Variants in ABTB2 observed in about 807,000 individuals in gnomAD.
ABTB2 encodes the protein ankyrin repeat and BTB domain containing 2.
A neutral mutation model predicts 104.1 loss-of-function variants in ABTB2; 56 were observed. That is an observed-to-expected ratio of 0.54 (90% CI 0.43 to 0.67). The LOEUF (loss-of-function observed/expected upper bound fraction) is 0.67. ABTB2 is among the 30% of genes least tolerant of loss of function. The pLI, the probability that ABTB2 is intolerant of heterozygous loss-of-function variation, is 0.00. For missense variants in ABTB2, 1,279 were observed against 1,407.7 expected, an observed-to-expected ratio of 0.91 and a Z score of 1.46; for synonymous variants, 606 against 608.2, an observed-to-expected ratio of 1.00 and a Z score of 0.05.
chr11:34,154,867 G>A lies in ABTB2; in HGVS notation c.2698-98C>T. 2 of 1,195,714 alleles carry A rather than the reference G, an allele frequency of 1.7e-6. No individual in the cohort carries two copies. Among genetic ancestry groups the A allele is most frequent in the Non-Finnish European group, 2.4e-6 (2 of 819,900 alleles). 74.1% of individuals were successfully genotyped at this position (1,195,714 alleles called of 1,614,324 possible). On this transcript the variant is annotated intron_variant, in intron 14 of 16. Transcript: ENST00000435224. This position sits in a 1 kb window ranked among gnomAD's most constrained non-coding sequence, Gnocchi z 4.9. ...TACTGCTCCAGCTGCCGCCTCCAGGGGCCTGTCCCTCTGCAGGTCCCCAGC... is the reference window on the plus strand; with the variant it reads ...TACTGCTCCAGCTGCCGCCTCCAGGAGCCTGTCCCTCTGCAGGTCCCCAGC...
intron 3 of ABTB2, among the ~76,000 whole-genome samples, chr11:34,196,200 AT>A (rs766800815): frequency 5.6e-4 from 86 of 152,354 alleles, no homozygotes; most frequent in African/African-American, 1.9e-3. Context: ...TATAAAAAAA[AT>A]ATTATATTTT....
chr11:34,218,453 G>A (rs1039624327), intron 1 of ABTB2, among the ~76,000 whole-genome samples: 12 of 152,044 alleles, frequency 7.9e-5, no homozygotes, highest in Non-Finnish European at 1.5e-5. Flanking sequence ...TTAGGTCTCT[G>A]ATCCATTTGA....
At chr11:34,329,760 G>A (rs1272742706) in intron 1 of ABTB2, among the ~76,000 whole-genome samples, 1 of 152,152 alleles carries the variant, frequency 6.6e-6, no homozygotes, top group Non-Finnish European at 1.5e-5. Context: ...GGTCCCAAAG[G>A]TACCAGTGAA....
At chr11:34,278,175 A>G (rs1350373247) in intron 1 of ABTB2, among the ~76,000 whole-genome samples, 2 of 152,026 alleles carry the variant, frequency 1.3e-5, no homozygotes, top group African/African-American at 4.8e-5. Flanking sequence ...AGCAGGATAT[A>G]ATACAAAAAA....
chr11:34,168,459 C>G (rs952466950), intron 5 of ABTB2, among the ~76,000 whole-genome samples: 1 of 152,210 alleles, frequency 6.6e-6, no homozygotes, highest in East Asian at 1.9e-4. Context: ...ACAACACTCT[C>G]ATGGCTACTA....
chr11:34,172,642 G>A (rs1325256952), intron 4 of ABTB2, among the ~76,000 whole-genome samples: 1 of 152,036 alleles, frequency 6.6e-6, no homozygotes, highest in Non-Finnish European at 1.5e-5. Context: ...TAAAGTGCTA[G>A]CTGAGTATCT....
chr11:34,349,460 G>C (rs1855373273), intron 1 of ABTB2, among the ~76,000 whole-genome samples: 1 of 152,190 alleles, frequency 6.6e-6, no homozygotes, highest in African/African-American at 2.4e-5. Flanking sequence ...GGAAAGCCTT[G>C]CGAGTAATAC....
intron 8 of ABTB2, 65 bp downstream of exon 8, chr11:34,165,195 G>T: frequency 7.0e-7 from 1 of 1,427,098 alleles, no homozygotes; most frequent in Non-Finnish European, 9.5e-7. Flanking sequence ...CCAGCTACAT[G>T]CCTGGCCAGG....
At chr11:34,309,788 A>G (rs1336875178) in intron 1 of ABTB2, among the ~76,000 whole-genome samples, 1 of 151,794 alleles carries the variant, frequency 6.6e-6, no homozygotes, top group Non-Finnish European at 1.5e-5. Flanking sequence ...AGGTGATCAG[A>G]GTCAAAAAAA....
At chr11:34,315,475 G>C (rs1012738836) in intron 1 of ABTB2, among the ~76,000 whole-genome samples, 1 of 152,156 alleles carries the variant, frequency 6.6e-6, no homozygotes, top group African/African-American at 2.4e-5. Context: ...GTATTGGGCA[G>C]CTAAAAAGCT....
At chr11:34,341,932 T>G (rs972508334) in intron 1 of ABTB2, among the ~76,000 whole-genome samples, 3 of 152,230 alleles carry the variant, frequency 2.0e-5, no homozygotes, top group African/African-American at 7.2e-5. Context: ...ATTAAACGTG[T>G]AAAGGGTCCC....
intron 8 of ABTB2, 62 bp from the exon 9 acceptor site, chr11:34,164,883 C>T (rs571226764): frequency 1.4e-5 from 21 of 1,549,544 alleles, no homozygotes; most frequent in Middle Eastern, 1.7e-4. Context: ...GCAGCTGAGG[C>T]GAAAGGGAAG....
At position 34,356,918 on chromosome 11, in the gene ABTB2, G is replaced by A. The variant is rs528131644; in HGVS notation, c.666C>T (p.Arg222=). Residue 222 remains arginine (R), a synonymous_variant, in exon 1 of 17, where the codon CGC becomes CGT. Coordinates refer to ENST00000435224, the MANE Select transcript of ABTB2 (RefSeq NM_145804.3). The surrounding 1 kb of genome is among the most constrained non-coding windows in gnomAD (Gnocchi z 4.6). ...RWMVDTRISV[R]IHEYAAISLT... ...GGGAGATGGCTGCGTACTCGTGGAT[G>A]CGCACGGAGATTCGGGTGTCCACCA... 6.2e-7 allele frequency: 1 copy of A among 1,602,716 alleles called. No homozygotes were observed. Among genetic ancestry groups the A allele is most frequent in the African/African-American group, 1.3e-5 (1 of 74,956 alleles).
intron 1 of ABTB2, among the ~76,000 whole-genome samples, chr11:34,274,539 G>A (rs929430269): frequency 1.3e-5 from 2 of 150,454 alleles, no homozygotes; most frequent in East Asian, 2.0e-4. Flanking sequence ...GCATCCCTGC[G>A]TTAAGTAGTG....
At chr11:34,159,882 A>G (rs1246910609) in intron 13 of ABTB2, 24 bp downstream of exon 13, 4 of 1,573,884 alleles carry the variant, frequency 2.5e-6, no homozygotes, top group African/African-American at 1.4e-5. Context: ...CTGGGCTGGG[A>G]GTTTGTTATC....
rs1852674878 is a variant in ABTB2, at chr11:34,159,366, T to C, written c.2627A>G (p.Asn876Ser). 6.2e-7 allele frequency: 1 copy of C among 1,613,902 alleles called. No individual in the cohort carries two copies. Among genetic ancestry groups the C allele is most frequent in the Admixed American group, 1.7e-5 (1 of 60,030 alleles). The part of the protein sequence containing the change: ...ASNRFKTLMT[N>S]KSEQDGDSSK... ...GCTGTCCCCATCCTGTTCTGATTTATTGGTCATTAGTGTCTTGAACCTGGA... is the reference window on the plus strand; with the variant it reads ...GCTGTCCCCATCCTGTTCTGATTTACTGGTCATTAGTGTCTTGAACCTGGA... The change falls in exon 14 of 17, where the codon AAT becomes AGT. Residue 876 changes from asparagine to serine, a missense_variant. Physicochemically the swap from Asn to Ser is conservative, Grantham distance 46 (BLOSUM62 1). Transcript: ENST00000435224.
rs184596548 is a variant in ABTB2 at position 34,267,169 on chromosome 11, G to A, written c.884-62479C>T. Among the ~76,000 whole-genome samples the A allele has an allele frequency of 4.7e-3, 714 of 152,292 alleles. 4 individuals are homozygous for A. The highest frequency in any genetic ancestry group is 8.8e-3 in the Non-Finnish European group (601 of 68,028). On this transcript the variant is annotated intron_variant, in intron 1 of 16. Transcript: ENST00000435224. ...GATGCTGCCAGCCATGTGTCACGAC[G>A]GCCAAGTACTCTGTAGCTGAGGCCA...
At chr11:34,222,794 C>T (rs1853640468) in intron 1 of ABTB2, among the ~76,000 whole-genome samples, 1 of 152,184 alleles carries the variant, frequency 6.6e-6, no homozygotes, top group South Asian at 2.1e-4. Flanking sequence ...GAGTCCTTGC[C>T]TCCCTATGGG....
chr11:34,317,219 A>G (rs1267471), intron 1 of ABTB2, among the ~76,000 whole-genome samples: 132,400 of 152,224 alleles, frequency 0.87, 57,692 homozygotes, highest in East Asian at 0.95. Context: ...TATTCTAGAT[A>G]TGCCTGATGA....
Sources: allele counts gnomAD v4.1 joint callset (sites outside exome capture counted in the v4.1 genomes callset), GRCh38; gene constraint gnomAD v4.1.1; non-coding constraint Gnocchi (gnomAD v3.1); transcripts MANE v1.5; gene names NCBI Gene and HGNC (gene_info 2026-07-23, HGNC 2026-07-21).